ENTPD6: variants seen among roughly 807,000 people sequenced by gnomAD.
ENTPD6 encodes CD39 antigen-like 2.
In ENTPD6, 46 loss-of-function variants were observed where a neutral mutation model predicts 61.5. The ratio of observed to expected loss-of-function variants is 0.75; its 90% CI spans 0.59 to 0.96. The LOEUF (loss-of-function observed/expected upper bound fraction) is 0.96. Among genes scored for constraint, ENTPD6 ranks in the 40% least tolerant of loss-of-function variants. ENTPD6 has a pLI of 0.00. For synonymous variants in ENTPD6, 252 were observed against 255.5 expected (o/e 0.99, Z 0.13); for missense variants, 612 against 629.0 (o/e 0.97, Z 0.29).
At chr20:25,213,188 A>G in intron 4 of ENTPD6, 75 bp from the exon 5 acceptor site, 2 of 1,591,988 alleles carry the variant, frequency 1.3e-6, no homozygotes, top group Non-Finnish European at 1.7e-6. Flanking sequence ...AAAAAACCCA[A>G]AAGGGTGGAA....
intron 10 of ENTPD6, among the ~76,000 whole-genome samples, chr20:25,219,690 C>T (rs558606752): frequency 4.4e-4 from 67 of 152,324 alleles, no homozygotes; most frequent in African/African-American, 1.6e-3. Context: ...ATGAGGCGCT[C>T]ACCAGCACCT....
intron 4 of ENTPD6, 122 bp from the exon 5 acceptor site, chr20:25,213,141 C>T: frequency 1.8e-6 from 2 of 1,136,738 alleles, no homozygotes; most frequent in African/African-American, 3.0e-5. Context: ...TTCACTCTAG[C>T]CTGGGCAACA....
intron 1 of ENTPD6, among the ~76,000 whole-genome samples, chr20:25,206,099 C>G (rs1241741329): frequency 6.6e-6 from 1 of 152,238 alleles, no homozygotes; most frequent in African/African-American, 2.4e-5. Context: ...CCCACAGTCA[C>G]GAGGGGCTCT....
chr20:25,213,428 T>A (rs1281603999), intron 5 of ENTPD6, 22 bp downstream of exon 5: 1 of 1,586,918 alleles, frequency 6.3e-7, no homozygotes, highest in East Asian at 2.2e-5. Context: ...CATTCCCCAG[T>A]GCCATTAGCC....
intron 1 of ENTPD6, among the ~76,000 whole-genome samples, chr20:25,204,216 G>C (rs771569050): frequency 6.6e-6 from 1 of 152,192 alleles, no homozygotes; most frequent in African/African-American, 2.4e-5. Context: ...AGGACTTTGA[G>C]ATCAAGGAAC....
At chr20:25,216,778 G>T in intron 8 of ENTPD6, 42 bp downstream of exon 8, 1 of 1,195,012 alleles carries the variant, frequency 8.4e-7, no homozygotes, top group Non-Finnish European at 1.1e-6. Context: ...CCACCCCGAG[G>T]CCACACCGCC....
Position 25,224,104 on chromosome 20 carries a change from C to A in ENTPD6, c.1190C>A (p.Ala397Glu). 1 of 1,611,590 alleles carries A rather than the reference C, an allele frequency of 6.2e-7. No individual in the cohort carries two copies. Among genetic ancestry groups the A allele is most frequent in the Non-Finnish European group, 8.5e-7 (1 of 1,178,770 alleles). ...CTGGGTGTTGTGTCTCCCACAGATG[C>A]GGAGAAGGGAGGCAGCCTGGTGGTG... ...DLAAGVGLIDAEKGGSLVVGD... is the reference protein window; with the variant it reads ...DLAAGVGLIDEEKGGSLVVGD... The change falls in exon 13 of 15, where the codon GCG (alanine) becomes GAG (glutamate). Residue 397 changes from alanine (A) to glutamate (E), a missense_variant. Coordinates refer to ENST00000376652, the MANE Select transcript of ENTPD6 (RefSeq NM_001247.5).
intron 12 of ENTPD6, 51 bp downstream of exon 12, chr20:25,223,029 G>A: frequency 2.1e-6 from 3 of 1,462,312 alleles, no homozygotes; most frequent in Non-Finnish European, 2.8e-6. Context: ...GCAGGGGGCG[G>A]GGGTGGAGGG....
intron 8 of ENTPD6, 73 bp from the exon 9 acceptor site, chr20:25,217,429 A>G (rs2092375632): frequency 1.4e-6 from 2 of 1,407,918 alleles, no homozygotes; most frequent in Non-Finnish European, 2.0e-6. Flanking sequence ...TTTCTTTCAA[A>G]TGAATTCAGT....
intron 2 of ENTPD6, 121 bp from the exon 3 acceptor site, chr20:25,206,955 C>A: frequency 2.3e-6 from 2 of 862,384 alleles, no homozygotes; most frequent in South Asian, 1.7e-5. Context: ...CTTCTGATTC[C>A]TGGGGGGAAC....
rs773513859 is a variant in ENTPD6, at chr20:25,213,254, C to T, written c.454-9C>T. 36 of 1,613,902 alleles carry T rather than the reference C, an allele frequency of 2.2e-5. No homozygotes were observed. The highest frequency in any genetic ancestry group is 9.3e-5 in the African/African-American group (7 of 74,942). On this transcript the variant is annotated splice_polypyrimidine_tract_variant and intron_variant, in intron 4 of 14. Coordinates refer to ENST00000376652, the MANE Select transcript of ENTPD6 (RefSeq NM_001247.5). ...GACAGACCCTGCTTTGCTCTTACCA[C>T]GTTCACAGAGCGCTCAGGGAATCCG...
rs34312852 is a variant in ENTPD6, at chr20:25,195,987, T to C, written c.-16+120T>C. On this transcript the variant is annotated intron_variant, in intron 1 of 14. Transcript: ENST00000376652. The stretch of plus-strand genomic sequence containing the variant: ...GCCTCGGGGTCACTCGCACCCCGGG[T>C]CCCACCTCCTGCTGCCTTCCTGTCC... 8.0e-3 allele frequency: 7,116 copies of C among 890,898 alleles called. 353 individuals carry two copies. In the African/African-American group the frequency reaches 0.11, roughly 14 times the overall value. 55.2% of individuals were successfully genotyped at this position (890,898 alleles called of 1,614,324 possible).
intron 10 of ENTPD6, among the ~76,000 whole-genome samples, chr20:25,219,738 A>C (rs996241826): frequency 6.6e-6 from 1 of 152,112 alleles, no homozygotes; most frequent in Non-Finnish European, 1.5e-5. Context: ...CTCAGCCCCC[A>C]GCGCCCCATT....
In ENTPD6 at chr20:25,225,226, A is replaced by T; in HGVS notation, c.1265A>T (p.Gln422Leu). The change falls in exon 14 of 15, where the codon CAG becomes CTG. Residue 422 changes from glutamine to leucine, a missense_variant. By Grantham distance (113) the Gln-to-Leu change is moderately radical (BLOSUM62 -2). Coordinates refer to ENST00000376652, the MANE Select transcript of ENTPD6 (RefSeq NM_001247.5). ...CCAGTGTGTCGGACCCTGGAGACAC[A>T]GCCGCAGAGCAGCCCCTTCTCATGC... ...AKYVCRTLET[Q>L]PQSSPFSCMD... The T allele has an allele frequency of 6.2e-7, 1 of 1,613,332 alleles. No individual in the cohort carries two copies. Among genetic ancestry groups the T allele is most frequent in the Non-Finnish European group, 8.5e-7 (1 of 1,179,822 alleles).
In ENTPD6 at chr20:25,226,375, T is replaced by A. The variant is rs6050461; in HGVS notation, c.*778T>A. On this transcript the variant is annotated 3_prime_UTR_variant, in exon 15 of 15. Transcript: ENST00000376652. ...GGGTGCCAAGTGCTTGTGTAGAAACTGTGTTCTGAGCCCCCTTTTCTGGAC... is the reference window on the plus strand; with the variant it reads ...GGGTGCCAAGTGCTTGTGTAGAAACAGTGTTCTGAGCCCCCTTTTCTGGAC... 2.0e-5 allele frequency: 3 copies of A among 152,738 alleles called. No individual in the cohort carries two copies. The highest frequency in any genetic ancestry group is 7.2e-5 in the African/African-American group (3 of 41,428). The allele number at this position is 152,738 out of a possible 1,614,324, so 9.5% of individuals were successfully genotyped here. A position where few individuals can be genotyped will look rare whatever the true frequency, so the allele number is the denominator to read the frequency against.
chr20:25,207,461 C>G lies in ENTPD6; in HGVS notation c.376+64C>G, dbSNP rs1332645437. 3 of 1,411,464 alleles carry G rather than the reference C, an allele frequency of 2.1e-6. No individual in the cohort carries two copies. The Admixed American group carries it at 7.3e-5, about 34-fold the overall frequency. The allele number at this position is 1,411,464 out of a possible 1,614,324, so 87.4% of individuals were successfully genotyped here. A position where few individuals can be genotyped will look rare whatever the true frequency, so the allele number is the denominator to read the frequency against. On this transcript the variant is annotated intron_variant, in intron 3 of 14. Transcript: ENST00000376652. ...CCCTGTGCTACAGTGTTGGCCGGGTCCCCTGCCACAGACTCACCTGGGAGC... is the reference window on the plus strand; with the variant it reads ...CCCTGTGCTACAGTGTTGGCCGGGTGCCCTGCCACAGACTCACCTGGGAGC...
chr20:25,224,865 GT>G, intron 13 of ENTPD6: 1 of 321,670 alleles, frequency 3.1e-6, no homozygotes, highest in Non-Finnish European at 5.7e-6. Flanking sequence ...TGGCTTTGGT[GT>G]TTTCTTTCCC....
At chr20:25,224,312 G>C (rs192624744) in intron 13 of ENTPD6, 155 bp downstream of exon 13, 1 of 518,938 alleles carries the variant, frequency 1.9e-6, no homozygotes, top group African/African-American at 2.0e-5. Flanking sequence ...CACCGTCCTT[G>C]TCCCACCCTC....
In ENTPD6 at chr20:25,227,854, T is replaced by C. The variant is rs934202033; in HGVS notation, c.*2257T>C. On this transcript the variant is annotated 3_prime_UTR_variant, in exon 15 of 15. Coordinates refer to ENST00000376652, the MANE Select transcript of ENTPD6 (RefSeq NM_001247.5). Reference sequence around the variant, plus strand: ...CAAGCATCGGTGCTGGCCTCCCCCATGTCCTAACAGCTACAGCCAGTTTAA... The same window carrying C: ...CAAGCATCGGTGCTGGCCTCCCCCACGTCCTAACAGCTACAGCCAGTTTAA... 1.3e-5 allele frequency among the ~76,000 whole-genome samples: 2 copies of C among 152,402 alleles called. No individual in the cohort carries two copies. The highest frequency in any genetic ancestry group is 4.8e-5 in the African/African-American group (2 of 41,598).
Sources: gnomAD v4.1 joint callset for allele counts (sites outside exome capture counted in the v4.1 genomes callset) on GRCh38, gnomAD v4.1.1 for gene constraint, MANE v1.5 for transcripts, NCBI Gene and HGNC (gene_info 2026-07-23, HGNC 2026-07-21) for gene names.